Variants in DNAAF11 observed in about 807,000 individuals in gnomAD.
DNAAF11 encodes the protein leucine rich repeat containing 6.
Under a neutral mutation model 60.8 loss-of-function variants are expected in DNAAF11, and 45 were observed. That is an observed-to-expected ratio of 0.74 (90% CI 0.58 to 0.95). The LOEUF (loss-of-function observed/expected upper bound fraction) is 0.95. Among genes scored for constraint, DNAAF11 ranks in the 40% least tolerant of loss-of-function variants. DNAAF11 has a pLI of 0.00. For missense variants in DNAAF11, 546 were observed against 546.2 expected (o/e 1.00, Z 0.00); for synonymous variants, 191 against 183.5 (o/e 1.04, Z -0.33).
At chr8:132,633,236 T>C (rs1820982421) in intron 4 of DNAAF11, among the ~76,000 whole-genome samples, 1 of 152,196 alleles carries the variant, frequency 6.6e-6, no homozygotes, top group Non-Finnish European at 1.5e-5. Context: ...CTATTAATTT[T>C]ATAATTGCTC....
chr8:132,612,666 A>G (rs16904712), intron 8 of DNAAF11, among the ~76,000 whole-genome samples: 12,004 of 152,204 alleles, frequency 0.079, 752 homozygotes, highest in East Asian at 0.31. Flanking sequence ...GGAGATCATG[A>G]CTGGGGAGAC....
intron 1 of DNAAF11, among the ~76,000 whole-genome samples, chr8:132,667,370 A>G (rs764492592): frequency 1.3e-5 from 2 of 152,218 alleles, no homozygotes; most frequent in South Asian, 2.1e-4. Context: ...AGTGCCTGGT[A>G]TACAGTCATT....
chr8:132,628,500 G>A (rs1426659486), intron 5 of DNAAF11, among the ~76,000 whole-genome samples: 1 of 152,042 alleles, frequency 6.6e-6, no homozygotes, highest in Non-Finnish European at 1.5e-5. Context: ...TCTGCTTTAG[G>A]CTGCTCCAGG....
the DNAAF11 span, among the ~76,000 whole-genome samples, chr8:132,697,995 C>G: frequency 0.029 from 4,344 of 152,218 alleles, 236 homozygotes; most frequent in African/African-American, 0.099. Context: ...TTAATTATCA[C>G]AACACCCCTG....
At chr8:132,668,263 G>A (rs372807711) in intron 1 of DNAAF11, among the ~76,000 whole-genome samples, 57 of 152,300 alleles carry the variant, frequency 3.7e-4, no homozygotes, top group East Asian at 1.9e-3. Context: ...GGCAACAGCC[G>A]TACTATATCC....
chr8:132,687,485 C>T, the DNAAF11 span: 1 of 385,026 alleles, frequency 2.6e-6, no homozygotes, highest in Non-Finnish European at 5.1e-6. Flanking sequence ...GGTGACTCTG[C>T]CTTCCCAGAG....
chr8:132,626,089 G>A (rs927212514), intron 5 of DNAAF11, among the ~76,000 whole-genome samples: 8 of 149,946 alleles, frequency 5.3e-5, no homozygotes, highest in Admixed American at 3.3e-4. Context: ...TCCCTCTGTC[G>A]CCCAGGCTGG....
chr8:132,574,423 C>A (rs551685942), intron 11 of DNAAF11, among the ~76,000 whole-genome samples: 9 of 152,334 alleles, frequency 5.9e-5, no homozygotes, highest in African/African-American at 1.9e-4. Context: ...CATTGGCACC[C>A]ACTAGGCAGA....
chr8:132,668,351 A>G (rs1430740127), intron 1 of DNAAF11, among the ~76,000 whole-genome samples: 1 of 152,214 alleles, frequency 6.6e-6, no homozygotes, highest in African/African-American at 2.4e-5. Context: ...GCACTGAGAG[A>G]AGAACATAGA....
chr8:132,674,676 G>A (rs897720324), intron 1 of DNAAF11, among the ~76,000 whole-genome samples: 2 of 152,210 alleles, frequency 1.3e-5, no homozygotes, highest in African/African-American at 4.8e-5. Flanking sequence ...ATCACCTGAG[G>A]TCAGGAGTTC....
At chr8:132,647,608 A>G (rs1822532965) in intron 3 of DNAAF11, among the ~76,000 whole-genome samples, 1 of 152,204 alleles carries the variant, frequency 6.6e-6, no homozygotes, top group Admixed American at 6.5e-5. Flanking sequence ...ACATTGATAG[A>G]CCACTAGCAA....
chr8:132,673,632 G>T (rs1222491289), intron 1 of DNAAF11, among the ~76,000 whole-genome samples: 1 of 152,016 alleles, frequency 6.6e-6, no homozygotes, highest in African/African-American at 2.4e-5. Flanking sequence ...GTGACAATTA[G>T]CCACCAAGAA....
intron 8 of DNAAF11, among the ~76,000 whole-genome samples, chr8:132,613,721 TG>T (rs1208907836): frequency 2.0e-5 from 3 of 152,220 alleles, no homozygotes; most frequent in Non-Finnish European, 4.4e-5. Context: ...CAAAGTTGGT[TG>T]AAGTCCTGAG....
In DNAAF11 at chr8:132,578,270, T is replaced by C. The variant is rs141831477; in HGVS notation, c.1226+5424A>G. 1.4e-3 allele frequency: 731 copies of C among 505,368 alleles called. 5 individuals are homozygous for C. Among genetic ancestry groups the C allele is most frequent in the African/African-American group, 0.013 (650 of 51,012 alleles). 31.3% of individuals were successfully genotyped at this position (505,368 alleles called of 1,614,324 possible). A position where few individuals can be genotyped will look rare whatever the true frequency, so the allele number is the denominator to read the frequency against. On this transcript the variant is annotated intron_variant, in intron 11 of 11. Coordinates refer to ENST00000620350, the MANE Select transcript of DNAAF11 (RefSeq NM_012472.6). Reference sequence around the variant, plus strand: ...TCTGTGGCACAACTAATTCAGATGTTGTGAGGAATGAACTAAATCATAATA... The same window carrying C: ...TCTGTGGCACAACTAATTCAGATGTCGTGAGGAATGAACTAAATCATAATA...
At chr8:132,686,990 G>C in the DNAAF11 span, among the ~76,000 whole-genome samples, 1 of 152,136 alleles carries the variant, frequency 6.6e-6, no homozygotes, top group East Asian at 1.9e-4. Context: ...CATGATGACA[G>C]AAAACTTTGC....
the DNAAF11 span, among the ~76,000 whole-genome samples, chr8:132,682,190 G>A: frequency 3.3e-4 from 50 of 152,280 alleles, no homozygotes; most frequent in Admixed American, 1.4e-3. Context: ...TAAGTCATCT[G>A]CCAAACTAGT....
At chr8:132,573,184 G>C (rs934242298) in intron 11 of DNAAF11, among the ~76,000 whole-genome samples, 1 of 152,112 alleles carries the variant, frequency 6.6e-6, no homozygotes, top group South Asian at 2.1e-4. Context: ...CCGCAATTTT[G>C]ATTCAATAAG....
chr8:132,594,437 C>T (rs1178738790), intron 10 of DNAAF11, among the ~76,000 whole-genome samples: 1 of 152,094 alleles, frequency 6.6e-6, no homozygotes, highest in Non-Finnish European at 1.5e-5. Context: ...AAAGAAAAGT[C>T]CTTCTAAAAA....
the DNAAF11 span, among the ~76,000 whole-genome samples, chr8:132,693,746 T>C: frequency 1.3e-5 from 2 of 151,924 alleles, no homozygotes; most frequent in African/African-American, 2.4e-5. Flanking sequence ...GAATGGACAG[T>C]ATGGATGTCT....
Sources: allele counts gnomAD v4.1 joint callset (sites outside exome capture counted in the v4.1 genomes callset), GRCh38; gene constraint gnomAD v4.1.1; transcripts MANE v1.5; gene names NCBI Gene and HGNC (gene_info 2026-07-23, HGNC 2026-07-21).